The following NFASC variants were observed in gnomAD, a reference collection of about 807,000 sequenced individuals.
NFASC encodes neurofascin homolog.
A neutral mutation model predicts 147.5 loss-of-function variants in NFASC; 43 were observed. The observed-to-expected ratio is 0.29, with a 90% CI of 0.23 to 0.38. NFASC has a LOEUF of 0.38. Among genes scored for constraint, NFASC ranks in the 10% least tolerant of loss-of-function variants. The pLI, the probability that NFASC is intolerant of heterozygous loss-of-function variation, is 1.00. For missense variants in NFASC, 1,320 were observed against 1,689.0 expected (o/e 0.78, Z 3.83); for synonymous variants, 622 against 665.5 (o/e 0.93, Z 1.01).
chr1:204,874,295 T>C (rs1173691857), intron 1 of NFASC, among the ~76,000 whole-genome samples: 1 of 152,222 alleles, frequency 6.6e-6, no homozygotes, highest in Non-Finnish European at 1.5e-5. Context: ...CACTCCCTTT[T>C]GTCGTAGGAG....
Position 204,828,720 on chromosome 1 carries a change from A to G in NFASC, c.-262A>G, listed in dbSNP as rs904190590. Reference sequence around the variant, plus strand: ...GAGGCGCTGCAGGGGACGCGGGGGAAGTGGCGGCGCCGGCAGCGGACAGCT... The same window carrying G: ...GAGGCGCTGCAGGGGACGCGGGGGAGGTGGCGGCGCCGGCAGCGGACAGCT... On this transcript the variant is annotated 5_prime_UTR_variant, in exon 1 of 30. Transcript: ENST00000339876. 5.1e-6 allele frequency: 5 copies of G among 985,558 alleles called. No homozygotes were observed. The highest frequency in any genetic ancestry group is 3.5e-5 in the African/African-American group (2 of 57,214). 61.1% of individuals were successfully genotyped at this position (985,558 alleles called of 1,614,324 possible).
intron 21 of NFASC, among the ~76,000 whole-genome samples, chr1:204,982,675 C>T (rs532084363): frequency 5.8e-4 from 88 of 152,350 alleles, no homozygotes; most frequent in Non-Finnish European, 9.0e-4. Context: ...GCTTCCCAGA[C>T]GGTGGTGGCC....
At chr1:205,011,231 G>T (rs993862830) in intron 28 of NFASC, among the ~76,000 whole-genome samples, 2 of 126,528 alleles carry the variant, frequency 1.6e-5, no homozygotes, top group Non-Finnish European at 3.3e-5. Flanking sequence ...TCAACACAAA[G>T]GAAATAGAAG....
Position 205,002,614 on chromosome 1 carries a change from C to A in NFASC, c.3155C>A (p.Thr1052Asn). The change falls in exon 27 of 30, where the codon ACT becomes AAT. Residue 1052 changes from threonine (T) to asparagine (N), a missense_variant. By Grantham distance (65) the Thr-to-Asn change is moderately conservative. Around this residue, in one of 3 missense-constraint regions of NFASC, gnomAD observed 172 missense variants for 165.8 expected, o/e 1.04. Transcript: ENST00000339876. ...TCCCCAGGCAACCATACGAAAAAAA[C>A]TGTCCCAGTTAAGGCCCAGGCTCAG... is the stretch of plus-strand genomic sequence containing the variant. ...EYIDSNHTKK[T>N]VPVKAQAQPI... is the part of the protein sequence containing the mutation. The A allele has an allele frequency of 6.5e-7, 1 of 1,529,822 alleles. No homozygotes were observed. Among genetic ancestry groups the A allele is most frequent in the Non-Finnish European group, 8.9e-7 (1 of 1,122,962 alleles). 94.8% of individuals were successfully genotyped at this position (1,529,822 alleles called of 1,614,324 possible). A position where few individuals can be genotyped will look rare whatever the true frequency, so the allele number is the denominator to read the frequency against.
intron 8 of NFASC, among the ~76,000 whole-genome samples, chr1:204,965,441 C>A (rs1400139765): frequency 6.6e-6 from 1 of 152,200 alleles, no homozygotes; most frequent in East Asian, 1.9e-4. Context: ...TTCTTCATAA[C>A]CTTTCCTTTA....
At chr1:204,830,891 G>A (rs1055214681) in intron 1 of NFASC, among the ~76,000 whole-genome samples, 1 of 152,210 alleles carries the variant, frequency 6.6e-6, no homozygotes, top group Non-Finnish European at 1.5e-5. Context: ...GACTCCTTCA[G>A]CTCCTGTGCA....
At chr1:204,881,681 A>C (rs1320399332) in intron 1 of NFASC, among the ~76,000 whole-genome samples, 1 of 152,208 alleles carries the variant, frequency 6.6e-6, no homozygotes, top group Admixed American at 6.5e-5. Flanking sequence ...AAAAGACAGA[A>C]GGAAAAACCC....
intron 1 of NFASC, among the ~76,000 whole-genome samples, chr1:204,860,061 A>G (rs2076526441): frequency 6.6e-6 from 1 of 152,134 alleles, no homozygotes; most frequent in Admixed American, 6.5e-5. Context: ...TGCCCTCATG[A>G]CAAGCAGCTG....
chr1:204,870,180 G>A (rs2077476669), intron 1 of NFASC, among the ~76,000 whole-genome samples: 1 of 152,192 alleles, frequency 6.6e-6, no homozygotes, highest in Non-Finnish European at 1.5e-5. Flanking sequence ...GAAGGGACTG[G>A]AGATATTTAG....
chr1:204,904,029 A>G (rs549181554), intron 1 of NFASC, among the ~76,000 whole-genome samples: 2 of 152,354 alleles, frequency 1.3e-5, no homozygotes, highest in South Asian at 2.1e-4. Flanking sequence ...CTCACTAGCT[A>G]AGAAACCTTG....
At chr1:204,865,665 T>C (rs1401621308) in intron 1 of NFASC, among the ~76,000 whole-genome samples, 1 of 152,254 alleles carries the variant, frequency 6.6e-6, no homozygotes, top group Non-Finnish European at 1.5e-5. Context: ...ACAACACTGA[T>C]TTGATTACCA....
chr1:205,009,195 A>G (rs1310878823), intron 27 of NFASC: 9 of 379,834 alleles, frequency 2.4e-5, no homozygotes, highest in Admixed American at 3.7e-5. Flanking sequence ...TCATACTTCC[A>G]TGGCCAATCC....
chr1:204,943,994 C>A lies in NFASC; in HGVS notation c.-90-232C>A, dbSNP rs553507473. ...GGGGGTGGGCTGTACTGGCTTCTAT[C>A]GGGTAGAGGTCAGAGATGCTGCTAA... On this transcript the variant is annotated intron_variant, in intron 2 of 29. Coordinates refer to ENST00000339876, the MANE Select transcript of NFASC (RefSeq NM_001005388.3). 1.1e-4 allele frequency among the ~76,000 whole-genome samples: 17 copies of A among 152,270 alleles called. 1 individual carries two copies. In the South Asian group the frequency reaches 3.5e-3, roughly 32 times the overall value.
At chr1:204,892,249 C>T (rs1297044554) in intron 1 of NFASC, among the ~76,000 whole-genome samples, 3 of 152,218 alleles carry the variant, frequency 2.0e-5, no homozygotes, top group Non-Finnish European at 4.4e-5. Flanking sequence ...CTTTCCTGAA[C>T]TCTTAACGAC....
At chr1:204,953,781 G>A (rs2094278524) in intron 5 of NFASC, among the ~76,000 whole-genome samples, 1 of 152,214 alleles carries the variant, frequency 6.6e-6, no homozygotes, top group Non-Finnish European at 1.5e-5. Flanking sequence ...ATTCAAGTTT[G>A]CATTCCTAGT....
At chr1:204,974,404 G>C in intron 13 of NFASC, 114 bp downstream of exon 13, 2 of 875,292 alleles carry the variant, frequency 2.3e-6, no homozygotes, top group East Asian at 5.3e-5. Context: ...AAGGGTCAAA[G>C]CTGGGAGGAA....
intron 2 of NFASC, among the ~76,000 whole-genome samples, chr1:204,929,798 C>G (rs186894307): frequency 1.8e-4 from 28 of 152,288 alleles, no homozygotes; most frequent in Admixed American, 3.3e-4. Context: ...CCTCTTTCTC[C>G]ACTTGCTTGG....
intron 1 of NFASC, among the ~76,000 whole-genome samples, chr1:204,896,110 T>C (rs377156239): frequency 7.9e-4 from 121 of 152,238 alleles, no homozygotes; most frequent in African/African-American, 2.7e-3. Context: ...AAAGGAACAA[T>C]CTGGAGGAGA....
chr1:204,871,573 AC>A (rs1203555196), intron 1 of NFASC, among the ~76,000 whole-genome samples: 3 of 152,140 alleles, frequency 2.0e-5, no homozygotes, highest in Non-Finnish European at 4.4e-5. Flanking sequence ...TCTGGGCTCC[AC>A]CATCTCAAAC....
Sources: gnomAD v4.1 joint callset for allele counts (sites outside exome capture counted in the v4.1 genomes callset) on GRCh38, gnomAD v4.1.1 for gene constraint, gnomAD v4.1.1 regional missense constraint, MANE v1.5 for transcripts, NCBI Gene and HGNC (gene_info 2026-07-23, HGNC 2026-07-21) for gene names.